SCNN1D: variants seen among roughly 807,000 people sequenced by gnomAD.
The protein encoded by SCNN1D is epithelial sodium channel subunit delta.
A neutral mutation model predicts 87.8 loss-of-function variants in SCNN1D; 104 were observed. The observed-to-expected ratio is 1.18, with a 90% CI of 1.01 to 1.39. The LOEUF is 1.39. SCNN1D is among the 40% of genes most tolerant of loss of function. The pLI, the probability that SCNN1D is intolerant of heterozygous loss-of-function variation, is 0.00. For missense variants in SCNN1D, 1,324 were observed against 1,093.9 expected (o/e 1.21, Z -2.97); for synonymous variants, 628 against 481.2 (o/e 1.31, Z -3.99).
At chr1:1,281,982 G>T (rs749694939) in intron 3 of SCNN1D, 2 of 579,970 alleles carry the variant, frequency 3.4e-6, no homozygotes, top group African/African-American at 3.8e-5. Context: ...GTAGCCGCCC[G>T]GGCCATGTGT....
chr1:1,291,203 A>T lies in SCNN1D; in HGVS notation c.2053-51A>T, dbSNP rs370834146. On this transcript the variant is annotated intron_variant, in intron 17 of 17. Coordinates refer to ENST00000379116, the MANE Select transcript of SCNN1D (RefSeq NM_001130413.4). ...AGCGACAGTGGCTGGCCCTGCACAG[A>T]AGGGGCACGGGGGCCTGGGCCCGCC... 236 of 1,584,324 alleles carry T rather than the reference A, an allele frequency of 1.5e-4. No homozygotes were observed. In the African/African-American group the frequency reaches 2.9e-3, roughly 19 times the overall value.
At chr1:1,285,045 A>G (rs6662635) in intron 5 of SCNN1D, among the ~76,000 whole-genome samples, 8,466 of 152,288 alleles carry the variant, frequency 0.056, 476 homozygotes, top group Admixed American at 0.15. Flanking sequence ...CCCTGCTCAG[A>G]TGGCCTTGGG....
rs374175888 is a variant in SCNN1D at position 1,291,571 on chromosome 1, C to G, written c.2370C>G (p.Ser790Arg). ...TGGCGGGAGTCTCAGCCGAAGAGAG[C>G]TGGGCTGGGCCCCAGCCCCTTGAGA... ...GVLAGVSAEE[S>R]WAGPQPLETL... Residue 790 changes from serine to arginine, a missense_variant, in exon 18 of 18, where the codon AGC becomes AGG. Transcript: ENST00000379116. The G allele has an allele frequency of 6.4e-7, 1 of 1,573,078 alleles. No homozygotes were observed. The highest frequency in any genetic ancestry group is 8.6e-7 in the Non-Finnish European group (1 of 1,156,390).
At chr1:1,282,404 C>T in intron 4 of SCNN1D, 89 bp downstream of exon 4, 3 of 1,411,532 alleles carry the variant, frequency 2.1e-6, no homozygotes, top group Non-Finnish European at 2.9e-6. Flanking sequence ...GGACCCAGCA[C>T]CACTTGGGGC....
chr1:1,281,048 C>T (rs1361420609), intron 1 of SCNN1D, 178 bp from the exon 2 acceptor site: 2 of 644,842 alleles, frequency 3.1e-6, no homozygotes, highest in East Asian at 2.7e-5. Context: ...CACCCCTGGC[C>T]TGCCCATGCC....
Position 1,285,108 on chromosome 1 carries a change from G to C in SCNN1D, c.465-463G>C, listed in dbSNP as rs368353303. Among the ~76,000 whole-genome samples the C allele has an allele frequency of 8.5e-5, 13 of 152,330 alleles. No individual in the cohort carries two copies. The East Asian group carries it at 1.7e-3, about 20-fold the overall frequency. On this transcript the variant is annotated intron_variant, in intron 5 of 17. Coordinates refer to ENST00000379116, the MANE Select transcript of SCNN1D (RefSeq NM_001130413.4). ...CAGTGGTGGAGCTCCTGGCCAGGCT[G>C]CCTGGAGGCCTGTGCGGCCCACACA...
intron 12 of SCNN1D, 73 bp downstream of exon 12, chr1:1,288,110 G>A (rs755373580): frequency 2.8e-5 from 28 of 999,728 alleles, no homozygotes; most frequent in East Asian, 8.4e-5. Context: ...CGGGTGGAAC[G>A]GGGGAGGGGT....
intron 4 of SCNN1D, 61 bp from the exon 5 acceptor site, chr1:1,283,917 C>G: frequency 1.0e-6 from 1 of 998,840 alleles, no homozygotes; most frequent in South Asian, 1.8e-5. Flanking sequence ...TGTGGCTGCC[C>G]TGGCTGGGTC....
In SCNN1D at chr1:1,288,003, T is replaced by C. The variant is rs974156832; in HGVS notation, c.1628T>C (p.Val543Ala). The C allele has an allele frequency of 6.5e-7, 1 of 1,533,412 alleles. No homozygotes were observed. The highest frequency in any genetic ancestry group is 1.2e-5 in the South Asian group (1 of 83,268). The allele number at this position is 1,533,412 out of a possible 1,614,324, so 95.0% of individuals were successfully genotyped here. A position where few individuals can be genotyped will look rare whatever the true frequency, so the allele number is the denominator to read the frequency against. Residue 543 changes from valine (V) to alanine (A), a missense_variant, in exon 12 of 18, where the codon GTG becomes GCG. Transcript: ENST00000379116. The stretch of plus-strand genomic sequence containing the variant: ...ACCGCCGGCGGGGAAGGCGTGGAGG[T>C]GGAGCTGCTACACAACACCTCCTAC... ...HCTAGGEGVE[V>A]ELLHNTSYTR...
At position 1,284,303 on chromosome 1, in the gene SCNN1D, TGGGGTGGGGGGTA is replaced by T. The variant is rs1263941906; in HGVS notation, c.464+225_464+237del. Among the ~76,000 whole-genome samples the T allele has an allele frequency of 1.9e-3, 113 of 59,934 alleles. 1 individual carries two copies. The highest frequency in any genetic ancestry group is 0.013 in the Middle Eastern group (1 of 76). The allele number at this position is 59,934 out of a possible 152,430, so 39.3% of individuals were successfully genotyped here. A position where few individuals can be genotyped will look rare whatever the true frequency, so the allele number is the denominator to read the frequency against. On this transcript the variant is annotated intron_variant, in intron 5 of 17. Coordinates refer to ENST00000379116, the MANE Select transcript of SCNN1D (RefSeq NM_001130413.4). ...CCGCCTCGAGGTACCGTGGGGGGAT[TGGGGTGGGGGGTA>T]GGGGTGGGGGGGTGGGGCTGGCGGG...
chr1:1,291,249 C>G lies in SCNN1D; in HGVS notation c.2053-5C>G. 1 of 1,555,928 alleles carries G rather than the reference C, an allele frequency of 6.4e-7. No individual in the cohort carries two copies. The highest frequency in any genetic ancestry group is 1.2e-5 in the South Asian group (1 of 84,676). On this transcript the variant is annotated splice_polypyrimidine_tract_variant and splice_region_variant and intron_variant, in intron 17 of 17. Coordinates refer to ENST00000379116, the MANE Select transcript of SCNN1D (RefSeq NM_001130413.4). Reference sequence around the variant, plus strand: ...CCGCCCCTCACACCCGCACCCCACCCGCAGGTGCCGCAGCTGCTCTCGGCC... The same window carrying G: ...CCGCCCCTCACACCCGCACCCCACCGGCAGGTGCCGCAGCTGCTCTCGGCC...
At chr1:1,286,677 G>T in intron 7 of SCNN1D, 91 bp from the exon 8 acceptor site, 1 of 1,238,190 alleles carries the variant, frequency 8.1e-7, no homozygotes, top group Non-Finnish European at 1.1e-6. Flanking sequence ...GAGTAGGGGA[G>T]GCACTGCTGT....
At chr1:1,290,993 C>T in intron 16 of SCNN1D, 40 bp downstream of exon 16, 1 of 1,594,136 alleles carries the variant, frequency 6.3e-7, no homozygotes, top group Non-Finnish European at 8.5e-7. Flanking sequence ...ATCACAGCCC[C>T]TCTCCCCTCA....
Position 1,291,257 on chromosome 1 carries a change from C to G in SCNN1D, c.2056C>G (p.Pro686Ala). 1 of 1,559,140 alleles carries G rather than the reference C, an allele frequency of 6.4e-7. No homozygotes were observed. Among genetic ancestry groups the G allele is most frequent in the Non-Finnish European group, 8.7e-7 (1 of 1,153,190 alleles). The change falls in exon 18 of 18, where the codon CCG becomes GCG. Residue 686 changes from proline (P) to alanine (A), a missense_variant. By Grantham distance (27) the Pro-to-Ala change is conservative (BLOSUM62 -1). Coordinates refer to ENST00000379116, the MANE Select transcript of SCNN1D (RefSeq NM_001130413.4). ...CACACCCGCACCCCACCCGCAGGTG[C>G]CGCAGCTGCTCTCGGCCATGGGCAG... ...SVEEAPVYSVPQLLSAMGSLC... is the reference protein window; with the variant it reads ...SVEEAPVYSVAQLLSAMGSLC...
In SCNN1D at chr1:1,287,868, C is replaced by T. The variant is rs137916996; in HGVS notation, c.1563+32C>T. The T allele has an allele frequency of 2.3e-3, 3,517 of 1,517,738 alleles. 63 individuals carry two copies. The African/African-American group carries it at 0.038, about 16-fold the overall frequency. 94.0% of individuals were successfully genotyped at this position (1,517,738 alleles called of 1,614,324 possible). On this transcript the variant is annotated intron_variant, in intron 11 of 17. Transcript: ENST00000379116. The stretch of plus-strand genomic sequence containing the variant: ...TGGCCTCTGCAGCCAACCTCCGGCC[C>T]AGGCCTCCTGCCCAACCTGGGCTTT...
intron 8 of SCNN1D, 58 bp from the exon 9 acceptor site, chr1:1,287,051 A>G (rs1005536433): frequency 1.7e-5 from 27 of 1,577,400 alleles, no homozygotes; most frequent in Non-Finnish European, 2.2e-5. Context: ...TGGTACCTCG[A>G]GTGGGGAGCG....
intron 3 of SCNN1D, 86 bp downstream of exon 3, chr1:1,281,696 G>T (rs1275752450): frequency 7.9e-6 from 10 of 1,260,012 alleles, no homozygotes; most frequent in Non-Finnish European, 9.9e-6. Flanking sequence ...GCCGAGATGT[G>T]CTCTGACTGA....
intron 1 of SCNN1D, chr1:1,280,956 C>T: frequency 1.7e-6 from 1 of 591,016 alleles, no homozygotes; most frequent in Non-Finnish European, 3.0e-6. Context: ...CTGGACAGTG[C>T]AGTTGATGCC....
At position 1,287,106 on chromosome 1, in the gene SCNN1D, C is replaced by G. The variant is rs369352820; in HGVS notation, c.1120-3C>G. On this transcript the variant is annotated splice_polypyrimidine_tract_variant and splice_region_variant and intron_variant, in intron 8 of 17. Coordinates refer to ENST00000379116, the MANE Select transcript of SCNN1D (RefSeq NM_001130413.4). ...AGAGCTGACCCTCCCTCCCCTCTCCCAGTGCAACAGCACGGGCGGCGACTG... is the reference window on the plus strand; with the variant it reads ...AGAGCTGACCCTCCCTCCCCTCTCCGAGTGCAACAGCACGGGCGGCGACTG... 1 of 1,589,230 alleles carries G rather than the reference C, an allele frequency of 6.3e-7. No individual in the cohort carries two copies. Among genetic ancestry groups the G allele is most frequent in the African/African-American group, 1.3e-5 (1 of 74,554 alleles).
Sources: gnomAD v4.1 joint callset for allele counts (sites outside exome capture counted in the v4.1 genomes callset) on GRCh38, gnomAD v4.1.1 for gene constraint, MANE v1.5 for transcripts, NCBI Gene and HGNC (gene_info 2026-07-23, HGNC 2026-07-21) for gene names.